ABCA1: variants seen among roughly 807,000 people sequenced by gnomAD.
The protein encoded by ABCA1 is phospholipid-transporting ATPase ABCA1.
Under a neutral mutation model 262.5 loss-of-function variants are expected in ABCA1, and 133 were observed. The observed-to-expected ratio is 0.51, with a 90% CI of 0.44 to 0.59. The LOEUF is 0.59. Among genes scored for constraint, ABCA1 ranks in the 20% least tolerant of loss-of-function variants. The pLI, the probability that ABCA1 is intolerant of heterozygous loss-of-function variation, is 0.00. For synonymous variants in ABCA1, 1,022 were observed against 1,043.5 expected (o/e 0.98, Z 0.40); for missense variants, 2,452 against 2,777.5 (o/e 0.88, Z 2.63).
chr9:104,799,738 A>T (rs533570874), intron 36 of ABCA1, 81 bp downstream of exon 36: 1 of 1,613,204 alleles, frequency 6.2e-7, no homozygotes, highest in African/African-American at 1.3e-5. Flanking sequence ...GTTCCCCTAC[A>T]ATGAGATTCA....
chr9:104,800,632 A>T, intron 34 of ABCA1, 48 bp from the exon 35 acceptor site: 2 of 1,549,786 alleles, frequency 1.3e-6, no homozygotes, highest in Non-Finnish European at 1.8e-6. Context: ...CACATAGATA[A>T]GGGGCAACAG....
intron 42 of ABCA1, 150 bp downstream of exon 42, chr9:104,792,636 G>T: frequency 1.0e-6 from 1 of 953,248 alleles, no homozygotes; most frequent in Non-Finnish European, 1.6e-6. Flanking sequence ...TCTCCATGGT[G>T]TTTTTAAAAT....
intron 14 of ABCA1, among the ~76,000 whole-genome samples, chr9:104,829,804 A>G (rs954887872): frequency 1.3e-5 from 2 of 152,100 alleles, no homozygotes; most frequent in African/African-American, 4.8e-5. Flanking sequence ...AATTCCAGCT[A>G]ATTGTTTAGA....
At chr9:104,825,569 AT>A in intron 17 of ABCA1, 113 bp downstream of exon 17, 1 of 1,042,808 alleles carries the variant, frequency 9.6e-7, no homozygotes, top group Middle Eastern at 2.4e-4. Flanking sequence ...TTTACTATAG[AT>A]CTATAGCCCA....
chr9:104,910,146 A>C (rs1441007875), intron 1 of ABCA1, among the ~76,000 whole-genome samples: 1 of 152,198 alleles, frequency 6.6e-6, no homozygotes, highest in African/African-American at 2.4e-5. Flanking sequence ...GAAGTCTCCA[A>C]GCAGGGATCA....
intron 37 of ABCA1, among the ~76,000 whole-genome samples, 194 bp from the exon 38 acceptor site, chr9:104,796,618 T>C (rs1260631808): frequency 6.6e-6 from 1 of 152,212 alleles, no homozygotes; most frequent in Non-Finnish European, 1.5e-5. Flanking sequence ...CCTTGGCTGA[T>C]TTTATAAACT....
At chr9:104,824,315 G>C (rs1455923066) in intron 18 of ABCA1, 150 bp downstream of exon 18, 1 of 1,473,858 alleles carries the variant, frequency 6.8e-7, no homozygotes, top group Non-Finnish European at 9.2e-7. Flanking sequence ...TGGCATGGGA[G>C]GATTTGGAAA....
At chr9:104,909,623 C>CAA (rs1333526692) in intron 1 of ABCA1, among the ~76,000 whole-genome samples, 1 of 147,894 alleles carries the variant, frequency 6.8e-6, no homozygotes, top group Non-Finnish European at 1.5e-5. Context: ...CACACACACA[C>CAA]ACACACACAC....
At chr9:104,846,248 G>A (rs1015786371) in intron 7 of ABCA1, among the ~76,000 whole-genome samples, 1 of 152,226 alleles carries the variant, frequency 6.6e-6, no homozygotes, top group African/African-American at 2.4e-5. Flanking sequence ...TTTACAGACT[G>A]TGAAGTCAGA....
intron 1 of ABCA1, among the ~76,000 whole-genome samples, chr9:104,913,363 T>C (rs1431684928): frequency 6.6e-6 from 1 of 152,230 alleles, no homozygotes; most frequent in Non-Finnish European, 1.5e-5. Context: ...CCCTAGGGAC[T>C]CTGAGCCCCT....
chr9:104,829,943 TACACACACACACACACAC>T (rs59055896), intron 14 of ABCA1, among the ~76,000 whole-genome samples: 1 of 140,802 alleles, frequency 7.1e-6, no homozygotes, highest in Non-Finnish European at 1.6e-5. Context: ...TCCTGATCCC[TACACACACACACACACAC>T]ACACACACAC....
chr9:104,829,315 A>G (rs1322241332), intron 14 of ABCA1, among the ~76,000 whole-genome samples, 177 bp from the exon 15 acceptor site: 1 of 152,254 alleles, frequency 6.6e-6, no homozygotes, highest in African/African-American at 2.4e-5. Flanking sequence ...AATGCAATGT[A>G]GAGAGAAAAA....
rs1397306872 is a variant in ABCA1, at chr9:104,817,275, C to T, written c.3535+57G>A. 1 of 1,613,616 alleles carries T rather than the reference C, an allele frequency of 6.2e-7. No homozygotes were observed. Among genetic ancestry groups the T allele is most frequent in the African/African-American group, 1.3e-5 (1 of 74,928 alleles). On this transcript the variant is annotated intron_variant, in intron 24 of 49. Transcript: ENST00000374736. The surrounding 1 kb of genome is among the most constrained non-coding windows in gnomAD (Gnocchi z 4.7). Reference sequence around the variant, plus strand: ...GCACCTCTCCTCCTCTGCCTCCACTCTGCCCAGCTGGGGGAAGCTCAGGCA... The same window carrying T: ...GCACCTCTCCTCCTCTGCCTCCACTTTGCCCAGCTGGGGGAAGCTCAGGCA...
chr9:104,911,091 C>T (rs1841469696), intron 1 of ABCA1, among the ~76,000 whole-genome samples: 1 of 152,154 alleles, frequency 6.6e-6, no homozygotes, highest in African/African-American at 2.4e-5. Flanking sequence ...TATATATTTA[C>T]AGTGTTCTAG....
intron 47 of ABCA1, 43 bp from the exon 48 acceptor site, chr9:104,786,433 C>A (rs747808927): frequency 1.3e-6 from 2 of 1,545,622 alleles, no homozygotes; most frequent in South Asian, 1.1e-5. Context: ...GAGAGATTCT[C>A]TGTAACCATG....
intron 46 of ABCA1, among the ~76,000 whole-genome samples, chr9:104,787,340 G>T (rs975757490): frequency 6.6e-6 from 1 of 151,974 alleles, no homozygotes; most frequent in African/African-American, 2.4e-5. Context: ...TAAGATTGGG[G>T]TGAAATTCCT....
At chr9:104,859,208 T>C (rs768521531) in intron 6 of ABCA1, among the ~76,000 whole-genome samples, 3 of 152,384 alleles carry the variant, frequency 2.0e-5, no homozygotes, top group Non-Finnish European at 2.9e-5. Flanking sequence ...TTTGGAATTC[T>C]CCATTTTACT....
Position 104,902,649 on chromosome 9 carries a change from T to C in ABCA1, c.66+965A>G, listed in dbSNP as rs1002825522. ...ACTTCCTAATATTTAAGTAACACTA[T>C]AATAAAAAAGGAAATTTAGTGAACA... On this transcript the variant is annotated intron_variant, in intron 2 of 49. Transcript: ENST00000374736. Among the ~76,000 whole-genome samples, 3 of 152,292 alleles carry C rather than the reference T, an allele frequency of 2.0e-5. No individual in the cohort carries two copies. The East Asian group carries it at 5.8e-4, about 29-fold the overall frequency.
chr9:104,840,180 T>A (rs1834238580), intron 9 of ABCA1, 99 bp downstream of exon 9: 2 of 1,598,956 alleles, frequency 1.3e-6, no homozygotes, highest in Admixed American at 3.3e-5. Flanking sequence ...CATGTAGACA[T>A]CTAACGCTGC....
Sources: allele counts gnomAD v4.1 joint callset (sites outside exome capture counted in the v4.1 genomes callset), GRCh38; gene constraint gnomAD v4.1.1; non-coding constraint Gnocchi (gnomAD v3.1); transcripts MANE v1.5; gene names NCBI Gene and HGNC (gene_info 2026-07-23, HGNC 2026-07-21).